ALDH4A1: variants seen among roughly 807,000 people sequenced by gnomAD.
The protein encoded by ALDH4A1 is aldehyde dehydrogenase 4 family member A1, also known as delta-1-pyrroline-5-carboxylate dehydrogenase, mitochondrial.
Under a neutral mutation model 70.5 loss-of-function variants are expected in ALDH4A1, and 46 were observed. The ratio of observed to expected loss-of-function variants is 0.65; its 90% confidence interval spans 0.51 to 0.83. The LOEUF (loss-of-function observed/expected upper bound fraction) is 0.83, where lower values mean the gene tolerates loss of function less well. Among genes scored for constraint, ALDH4A1 ranks in the 40% least tolerant of loss-of-function variants. The probability of loss-of-function intolerance (pLI) is 0.00; values close to 1 mark genes in which losing one functional copy is unlikely to be tolerated. For missense variants in ALDH4A1, 749 were observed against 766.5 expected, an observed-to-expected ratio of 0.98 and a Z score of 0.27; for synonymous variants, 323 against 324.3, an observed-to-expected ratio of 1.00 and a Z score of 0.04.
At chr1:18,881,549 G>T in intron 8 of ALDH4A1, 151 bp downstream of exon 8, 1 of 756,580 alleles carries the variant, frequency 1.3e-6, no homozygotes. Context: ...AGCTCAGAGA[G>T]GTGAAGTGGC....
intron 7 of ALDH4A1, among the ~76,000 whole-genome samples, chr1:18,882,105 C>A (rs982567406): frequency 6.6e-6 from 1 of 152,234 alleles, no homozygotes; most frequent in African/African-American, 2.4e-5. Flanking sequence ...CTGCCCCACG[C>A]TCTGGCCAAG....
rs376690605 is a variant in ALDH4A1, at chr1:18,897,050, G to A, written c.62+5412C>T. ...ATCTCACTGAATCCACCACATAAGC[G>A]TATGAGGAACGCATGACAAGTTGAG... On this transcript the variant is annotated intron_variant, in intron 1 of 14. Coordinates refer to ENST00000375341, the MANE Select transcript of ALDH4A1 (RefSeq NM_003748.4). The A allele has an allele frequency of 3.0e-5, 16 of 533,964 alleles. No individual in the cohort carries two copies. The Middle Eastern group carries it at 9.5e-4, about 32-fold the overall frequency. 33.1% of individuals were successfully genotyped at this position (533,964 alleles called of 1,614,324 possible).
intron 1 of ALDH4A1, 197 bp from the exon 2 acceptor site, chr1:18,890,302 G>A (rs1935386667): frequency 1.8e-6 from 1 of 551,214 alleles, no homozygotes; most frequent in East Asian, 3.2e-5. Context: ...AGCACTTTGG[G>A]AGACCAAGGC....
chr1:18,891,899 A>C (rs1431578190), intron 1 of ALDH4A1, among the ~76,000 whole-genome samples: 1 of 151,700 alleles, frequency 6.6e-6, no homozygotes, highest in African/African-American at 2.4e-5. Context: ...GTAGTGGCCC[A>C]CTCCTGTACT....
At chr1:18,883,627 G>T (rs1270929409) in intron 5 of ALDH4A1, among the ~76,000 whole-genome samples, 199 bp from the exon 6 acceptor site, 1 of 152,252 alleles carries the variant, frequency 6.6e-6, no homozygotes, top group Non-Finnish European at 1.5e-5. Flanking sequence ...ACCTCCTGTA[G>T]CCGGCCCTCT....
At position 18,880,065 on chromosome 1, in the gene ALDH4A1, C is replaced by T. The variant is rs1329203510; in HGVS notation, c.867-692G>A. Among the ~76,000 whole-genome samples the T allele has an allele frequency of 1.3e-5, 2 of 152,218 alleles. No individual in the cohort carries two copies. Among genetic ancestry groups the T allele is most frequent in the Non-Finnish European group, 2.9e-5 (2 of 68,028 alleles). On this transcript the variant is annotated intron_variant, in intron 8 of 14. Transcript: ENST00000375341. This position sits in a 1 kb window ranked among gnomAD's most constrained non-coding sequence, Gnocchi z 5.1. Reference sequence around the variant, plus strand: ...TGGAGAATGGGGTCCAGGCCCGCTCCGCCCGCTGATAGGCGGGGAGCCCAG... The same window carrying T: ...TGGAGAATGGGGTCCAGGCCCGCTCTGCCCGCTGATAGGCGGGGAGCCCAG...
intron 1 of ALDH4A1, 101 bp from the exon 2 acceptor site, chr1:18,890,206 C>A: frequency 2.0e-6 from 2 of 997,036 alleles, no homozygotes; most frequent in Non-Finnish European, 1.5e-6. Context: ...AGGTGGGCAC[C>A]CAGAGCCTGA....
intron 9 of ALDH4A1, 104 bp downstream of exon 9, chr1:18,879,196 C>A: frequency 1.7e-6 from 2 of 1,186,140 alleles, no homozygotes; most frequent in East Asian, 2.6e-5. Flanking sequence ...ATGGTTCATC[C>A]ACCTGACTTG....
At chr1:18,890,312 C>T (rs968502223) in intron 1 of ALDH4A1, 19 of 529,300 alleles carry the variant, frequency 3.6e-5, no homozygotes, top group South Asian at 4.1e-5. Flanking sequence ...GAGACCAAGG[C>T]GGGCAAATCA....
At chr1:18,875,316 G>A (rs778696464) in intron 13 of ALDH4A1, 66 bp downstream of exon 13, 18 of 1,611,446 alleles carry the variant, frequency 1.1e-5, no homozygotes, top group Non-Finnish European at 1.5e-5. Flanking sequence ...ACGTCCAGGA[G>A]GTGGGGATGG....
chr1:18,873,435 T>C (rs1192927706), intron 14 of ALDH4A1, among the ~76,000 whole-genome samples: 1 of 152,180 alleles, frequency 6.6e-6, no homozygotes, highest in Non-Finnish European at 1.5e-5. Flanking sequence ...ATGAGGGCTC[T>C]TGCAGGATGG....
At chr1:18,887,618 C>T (rs1426609699) in intron 3 of ALDH4A1, among the ~76,000 whole-genome samples, 1 of 152,066 alleles carries the variant, frequency 6.6e-6, no homozygotes, top group Non-Finnish European at 1.5e-5. Flanking sequence ...AAAACCATCC[C>T]TATCATATCT....
rs776062366 is a variant in ALDH4A1, at chr1:18,875,363, C to G, written c.1460+19G>C. On this transcript the variant is annotated intron_variant, in intron 13 of 14. Transcript: ENST00000375341. ...GGACACCCGGAGCACAGCACCAGGG[C>G]TGCGGCCTGGCCACTCACTTATCCT... The G allele has an allele frequency of 6.2e-7, 1 of 1,614,012 alleles. No individual in the cohort carries two copies. Among genetic ancestry groups the G allele is most frequent in the East Asian group, 2.2e-5 (1 of 44,874 alleles).
chr1:18,884,079 A>G (rs1383408317), intron 5 of ALDH4A1, among the ~76,000 whole-genome samples: 6 of 152,126 alleles, frequency 3.9e-5, no homozygotes, highest in Non-Finnish European at 8.8e-5. Flanking sequence ...CAGGTGCACG[A>G]CCTATTAGAG....
intron 14 of ALDH4A1, 119 bp downstream of exon 14, chr1:18,874,344 C>T: frequency 1.0e-6 from 1 of 955,102 alleles, no homozygotes; most frequent in Non-Finnish European, 1.6e-6. Flanking sequence ...ACTTGCTTGG[C>T]CCACAATAAG....
chr1:18,902,512 C>CG lies in ALDH4A1; in HGVS notation c.11dup (p.Ala5GlyfsTer42). The CG allele has an allele frequency of 6.8e-7, 1 of 1,480,712 alleles. No individual in the cohort carries two copies. The highest frequency in any genetic ancestry group is 1.7e-4 in the Middle Eastern group (1 of 5,770). The allele number at this position is 1,480,712 out of a possible 1,614,324, so 91.7% of individuals were successfully genotyped here. A position where few individuals can be genotyped will look rare whatever the true frequency, so the allele number is the denominator to read the frequency against. The stretch of plus-strand genomic sequence containing the variant: ...GCAGGGCGCGGCGGAGCGCGGGCGC[C>CG]GGCAGCAGCATCTCGGGTTAGAAGC... On this transcript the variant is annotated frameshift_variant, in exon 1 of 15. Coordinates refer to ENST00000375341, the MANE Select transcript of ALDH4A1 (RefSeq NM_003748.4). LOFTEE classifies it high-confidence loss of function.
chr1:18,875,282 G>GGGGCAGCA lies in ALDH4A1; in HGVS notation c.1460+92_1460+99dup, dbSNP rs1278022404. The GGGGCAGCA allele has an allele frequency of 3.8e-6, 6 of 1,580,860 alleles. No homozygotes were observed. In the African/African-American group the frequency reaches 8.1e-5, roughly 21 times the overall value. On this transcript the variant is annotated intron_variant, in intron 13 of 14. Coordinates refer to ENST00000375341, the MANE Select transcript of ALDH4A1 (RefSeq NM_003748.4). ...GAGGGGAGGGGACAGAGAGAAGGTA[G>GGGGCAGCA]GGGCAGCATTATTACTGGGAACCAC... is the stretch of plus-strand genomic sequence containing the variant.
At chr1:18,882,141 C>T (rs1463369261) in intron 7 of ALDH4A1, among the ~76,000 whole-genome samples, 2 of 152,224 alleles carry the variant, frequency 1.3e-5, no homozygotes, top group Non-Finnish European at 2.9e-5. Context: ...AAGCCTGCAC[C>T]AACCGGTCCT....
Position 18,874,561 on chromosome 1 carries a change from G to A in ALDH4A1, c.1481C>T (p.Thr494Ile), listed in dbSNP as rs1278274547. The A allele has an allele frequency of 2.5e-6, 4 of 1,614,070 alleles. No homozygotes were observed. Among genetic ancestry groups the A allele is most frequent in the South Asian group, 1.1e-5 (1 of 91,088 alleles). The part of the protein sequence containing the change: ...SQDKDVVQEA[T>I]KVLRNAAGNF... Reference sequence around the variant, plus strand: ...GCCGGCAGCATTCCTCAGCACCTTTGTGGCCTCCTGCACGACGTCCCTACA... The same window carrying A: ...GCCGGCAGCATTCCTCAGCACCTTTATGGCCTCCTGCACGACGTCCCTACA... The change falls in exon 14 of 15, where the codon ACA becomes ATA. Residue 494 changes from threonine (T) to isoleucine (I), a missense_variant. Thr to Ile is a moderately conservative substitution (Grantham distance 89). Coordinates refer to ENST00000375341, the MANE Select transcript of ALDH4A1 (RefSeq NM_003748.4).
Sources: allele counts gnomAD v4.1 joint callset (sites outside exome capture counted in the v4.1 genomes callset), GRCh38; gene constraint gnomAD v4.1.1; non-coding constraint Gnocchi (gnomAD v3.1); transcripts MANE v1.5; gene names NCBI Gene and HGNC (gene_info 2026-07-23, HGNC 2026-07-21).